The following CLCN6 variants were observed in gnomAD, a reference collection of about 807,000 sequenced individuals.
CLCN6 encodes Cl-/H+ antiporter 6, also known as H(+)/Cl(-) exchange transporter 6.
In CLCN6, 70 loss-of-function variants were observed where a neutral mutation model predicts 109.8. That is an observed-to-expected ratio of 0.64 (90% CI 0.53 to 0.78). The LOEUF is 0.78. CLCN6 is among the 30% of genes least tolerant of loss of function. The pLI, the probability that CLCN6 is intolerant of heterozygous loss-of-function variation, is 0.00. For missense variants in CLCN6, 984 were observed against 1,142.3 expected (o/e 0.86, Z 2.00); for synonymous variants, 444 against 447.8 (o/e 0.99, Z 0.11).
In CLCN6 at chr1:11,816,635, G is replaced by A. The variant is rs57044879; in HGVS notation, c.234G>A (p.Ala78=). Residue 78 remains alanine (A), a synonymous_variant, in exon 4 of 23, where the codon GCG becomes GCA. Transcript: ENST00000346436. Reference sequence around the variant, plus strand: ...AACAGAAAGGTCGAAGATATGAGGCGGTGAAGTGGATGGTGGTGTTTGCCA... The same window carrying A: ...AACAGAAAGGTCGAAGATATGAGGCAGTGAAGTGGATGGTGGTGTTTGCCA... ...MDNKKGRRYE[A]VKWMVVFAIG... 9,833 of 1,613,024 alleles carry A rather than the reference G, an allele frequency of 6.1e-3. 438 individuals are homozygous for A. In the African/African-American group the frequency reaches 0.11, roughly 18 times the overall value.
chr1:11,839,175 A>C (rs917975056), intron 22 of CLCN6: 4 of 568,424 alleles, frequency 7.0e-6, no homozygotes, highest in African/African-American at 1.9e-5. Flanking sequence ...TGAGCAAAAA[A>C]CAAGCAAAAA....
chr1:11,834,078 G>A lies in CLCN6; in HGVS notation c.1526+48G>A, dbSNP rs761194488. 1.7e-5 allele frequency: 28 copies of A among 1,601,156 alleles called. No homozygotes were observed. Among genetic ancestry groups the A allele is most frequent in the East Asian group, 4.5e-5 (2 of 44,662 alleles). On this transcript the variant is annotated intron_variant, in intron 15 of 22. Transcript: ENST00000346436. This position sits in a 1 kb window ranked among gnomAD's most constrained non-coding sequence, Gnocchi z 4.5. ...TGTGCGCATGTGCATGTGTGTGCAC[G>A]TGTGCGTGTGTATGCATGTGTGTGC...
At chr1:11,811,798 T>G (rs991876611) in intron 2 of CLCN6, among the ~76,000 whole-genome samples, 1 of 152,156 alleles carries the variant, frequency 6.6e-6, no homozygotes, top group South Asian at 2.1e-4. Context: ...ATCTCCTTTC[T>G]GTCTATTTGC....
Position 11,819,527 on chromosome 1 carries a change from C to G in CLCN6, c.319C>G (p.Gln107Glu), listed in dbSNP as rs997317521. 3.7e-6 allele frequency: 6 copies of G among 1,614,072 alleles called. No homozygotes were observed. In the African/African-American group the frequency reaches 8.0e-5, roughly 22 times the overall value. ...FVDFFVRLFT[Q>E]LKFGVVQTSV... Reference sequence around the variant, plus strand: ...GGACTTTTTTGTGCGACTCTTCACCCAACTCAAGTTCGGAGTGGTACAGAC... The same window carrying G: ...GGACTTTTTTGTGCGACTCTTCACCGAACTCAAGTTCGGAGTGGTACAGAC... The change falls in exon 5 of 23, where the codon CAA becomes GAA. Residue 107 changes from glutamine to glutamate, a missense_variant. Gln to Glu is a conservative substitution (Grantham distance 29, BLOSUM62 2). Transcript: ENST00000346436.
rs765978912 is a variant in CLCN6, at chr1:11,828,523, G to A, written c.1020G>A (p.Met340Ile). Residue 340 changes from methionine to isoleucine, a missense_variant, in exon 12 of 23, where the codon ATG (methionine) becomes ATA (isoleucine). Physicochemically the swap from Met to Ile is conservative, Grantham distance 10. Coordinates refer to ENST00000346436, the MANE Select transcript of CLCN6 (RefSeq NM_001286.5). ...TGGATTTGGGTTTCTTCGTCGTGATGGGGGTCATTGGGGGCCTCCTGGGAG... is the reference window on the plus strand; with the variant it reads ...TGGATTTGGGTTTCTTCGTCGTGATAGGGGTCATTGGGGGCCTCCTGGGAG... ...TAMDLGFFVV[M>I]GVIGGLLGAT... 3.1e-6 allele frequency: 5 copies of A among 1,614,136 alleles called. No homozygotes were observed. Among genetic ancestry groups the A allele is most frequent in the Admixed American group, 1.7e-5 (1 of 60,022 alleles).
chr1:11,810,107 G>A (rs1225327868), intron 2 of CLCN6, among the ~76,000 whole-genome samples: 2 of 151,980 alleles, frequency 1.3e-5, no homozygotes, highest in African/African-American at 4.8e-5. Flanking sequence ...GGAGTTATAG[G>A]GTTTTCTCTA....
rs367604924 is a variant in CLCN6 at position 11,809,023 on chromosome 1, G to C, written c.147+1833G>C. ...ATTACAGGCGCCCACCACCATGCCC[G>C]GCTAATTTTTGTATTTTTAGTAGAG... On this transcript the variant is annotated intron_variant, in intron 2 of 22. Transcript: ENST00000346436. Among the ~76,000 whole-genome samples, 3 of 151,634 alleles carry C rather than the reference G, an allele frequency of 2.0e-5. No individual in the cohort carries two copies. In the South Asian group the frequency reaches 6.3e-4, roughly 32 times the overall value.
Position 11,836,118 on chromosome 1 carries a change from G to A in CLCN6, c.1945G>A (p.Gly649Ser). Residue 649 changes from glycine to serine, a missense_variant, in exon 18 of 23, where the codon GGC becomes AGC. Gly to Ser is a moderately conservative substitution (Grantham distance 56, BLOSUM62 0). Transcript: ENST00000346436. ...NRGNEKEFMKGNQLISNNIKF... is the reference protein window; with the variant it reads ...NRGNEKEFMKSNQLISNNIKF... ...CGGTAACGAGAAGGAGTTCATGAAG[G>A]GCAACCAGCTCATCAGCAACAACAT... 2 of 1,613,494 alleles carry A rather than the reference G, an allele frequency of 1.2e-6. No homozygotes were observed. Among genetic ancestry groups the A allele is most frequent in the Non-Finnish European group, 1.7e-6 (2 of 1,179,866 alleles).
chr1:11,812,667 TG>T (rs1644616252), intron 2 of CLCN6, among the ~76,000 whole-genome samples: 1 of 48,630 alleles, frequency 2.1e-5, no homozygotes, highest in African/African-American at 6.0e-5. Context: ...AGTATGTTTG[TG>T]TGTGTGTGTG....
chr1:11,819,025 A>G (rs964041425), intron 4 of CLCN6, among the ~76,000 whole-genome samples: 1 of 152,236 alleles, frequency 6.6e-6, no homozygotes, highest in Non-Finnish European at 1.5e-5. Context: ...TGTCCAACCC[A>G]TGGCCCAACA....
In CLCN6 at chr1:11,841,071, G is replaced by A. The variant is rs1645017232; in HGVS notation, c.*848G>A. ...CTGATGAAGCAGGCAGAGCTCAGAG[G>A]ATCTTGGCATCACCCACCAAAGTTA... On this transcript the variant is annotated 3_prime_UTR_variant, in exon 23 of 23. Transcript: ENST00000346436. The A allele has an allele frequency of 6.6e-6, 1 of 152,580 alleles. No homozygotes were observed. Among genetic ancestry groups the A allele is most frequent in the Non-Finnish European group, 1.5e-5 (1 of 68,038 alleles). The allele number at this position is 152,580 out of a possible 1,614,324, so 9.5% of individuals were successfully genotyped here.
At chr1:11,815,032 CAAA>C (rs35753548) in intron 2 of CLCN6, among the ~76,000 whole-genome samples, 13,951 of 125,292 alleles carry the variant, frequency 0.11, 701 homozygotes, top group South Asian at 0.18. Context: ...GACTCCGTCT[CAAA>C]AAAAAAAAAA....
Position 11,823,891 on chromosome 1 carries a change from C to T in CLCN6, c.580+58C>T, listed in dbSNP as rs1644778871. ...CTCAAAGGGCAGAGACGACAAGAAG[C>T]ATGATGTATTTCAGTTATTAGATTT... On this transcript the variant is annotated intron_variant, in intron 7 of 22. Coordinates refer to ENST00000346436, the MANE Select transcript of CLCN6 (RefSeq NM_001286.5). 15 of 1,601,166 alleles carry T rather than the reference C, an allele frequency of 9.4e-6. 1 individual carries two copies. The South Asian group carries it at 1.0e-4, about 11-fold the overall frequency.
chr1:11,811,771 A>G, intron 2 of CLCN6, among the ~76,000 whole-genome samples: 1 of 151,914 alleles, frequency 6.6e-6, no homozygotes. Flanking sequence ...CTTGCCCCTG[A>G]CTCCAGGCAA....
chr1:11,833,328 T>C (rs1016790502), intron 13 of CLCN6, among the ~76,000 whole-genome samples, 187 bp from the exon 14 acceptor site: 1 of 152,178 alleles, frequency 6.6e-6, no homozygotes, highest in Non-Finnish European at 1.5e-5. Context: ...GATTCTTTCA[T>C]CTGTGCATTC....
chr1:11,807,276 A>G, intron 2 of CLCN6, 86 bp downstream of exon 2: 1 of 1,201,620 alleles, frequency 8.3e-7, no homozygotes, highest in Admixed American at 1.8e-5. Flanking sequence ...CCAACCAGAG[A>G]TGCTCTTTGA....
intron 17 of CLCN6, 126 bp from the exon 18 acceptor site, chr1:11,835,841 T>G: frequency 1.5e-6 from 1 of 673,028 alleles, no homozygotes; most frequent in Non-Finnish European, 2.5e-6. Context: ...GAGGGAGAGC[T>G]GGGGCAGTTC....
intron 1 of CLCN6, chr1:11,806,719 C>T (rs1236850620): frequency 5.7e-6 from 2 of 353,842 alleles, no homozygotes; most frequent in African/African-American, 4.2e-5. Context: ...CACTCTATCC[C>T]TCACCCTTTC....
In CLCN6 at chr1:11,818,556, A is replaced by C. The variant is rs536892578; in HGVS notation, c.280-932A>C. Among the ~76,000 whole-genome samples, 22 of 152,336 alleles carry C rather than the reference A, an allele frequency of 1.4e-4. No individual in the cohort carries two copies. The South Asian group carries it at 4.3e-3, about 30-fold the overall frequency. ...CCTGCCTTTATGACATAGCACTCCC[A>C]ACTCTTGTCCATTGATGTGTGGCCA... On this transcript the variant is annotated intron_variant, in intron 4 of 22. Coordinates refer to ENST00000346436, the MANE Select transcript of CLCN6 (RefSeq NM_001286.5).
Sources: gnomAD v4.1 joint callset for allele counts (sites outside exome capture counted in the v4.1 genomes callset) on GRCh38, gnomAD v4.1.1 for gene constraint, Gnocchi (gnomAD v3.1) non-coding constraint, MANE v1.5 for transcripts, NCBI Gene and HGNC (gene_info 2026-07-23, HGNC 2026-07-21) for gene names.